Variants in CHRNA5 observed in about 807,000 individuals in gnomAD.
CHRNA5 encodes cholinergic receptor nicotinic alpha 5 subunit, also known as neuronal acetylcholine receptor subunit alpha-5.
CHRNA5 carries 28 observed loss-of-function variants against 41.2 expected under a neutral mutation model. The observed-to-expected ratio is 0.68, with a 90% CI of 0.50 to 0.93. The LOEUF (loss-of-function observed/expected upper bound fraction) is 0.93. CHRNA5 is among the 40% of genes least tolerant of loss of function. The probability of loss-of-function intolerance (pLI) is 0.00; values close to 1 mark genes in which losing one functional copy is unlikely to be tolerated. For synonymous variants in CHRNA5, 188 were observed against 205.8 expected (o/e 0.91, Z 0.74); for missense variants, 481 against 581.9 (o/e 0.83, Z 1.78).
chr15:78,591,772 G>A (rs377153779), intron 5 of CHRNA5, among the ~76,000 whole-genome samples: 45 of 152,258 alleles, frequency 3.0e-4, no homozygotes, highest in African/African-American at 1.1e-3. Flanking sequence ...CTTTCATGCT[G>A]ATTTCTGAGA....
At chr15:78,583,259 T>A (rs2052929386) in intron 2 of CHRNA5, among the ~76,000 whole-genome samples, 1 of 152,138 alleles carries the variant, frequency 6.6e-6, no homozygotes, top group Non-Finnish European at 1.5e-5. Flanking sequence ...TACATGGTTT[T>A]GAGGAGTGAA....
intron 1 of CHRNA5, among the ~76,000 whole-genome samples, chr15:78,569,889 T>C (rs111823232): frequency 0.039 from 5,991 of 151,784 alleles, 359 homozygotes; most frequent in African/African-American, 0.12. Flanking sequence ...GGCATGATCT[T>C]GTCTCACTGC....
chr15:78,585,519 CAT>C (rs2052951075), intron 2 of CHRNA5, among the ~76,000 whole-genome samples: 1 of 152,158 alleles, frequency 6.6e-6, no homozygotes, highest in African/African-American at 2.4e-5. Flanking sequence ...GTGTCCTACA[CAT>C]AATATATTTG....
At chr15:78,575,459 T>C (rs1326241679) in intron 1 of CHRNA5, among the ~76,000 whole-genome samples, 1 of 152,216 alleles carries the variant, frequency 6.6e-6, no homozygotes, top group Non-Finnish European at 1.5e-5. Flanking sequence ...GTGGTTTATA[T>C]GCTATTAGCA....
intron 5 of CHRNA5, among the ~76,000 whole-genome samples, chr15:78,592,331 T>C (rs2053024622): frequency 6.6e-6 from 1 of 151,982 alleles, no homozygotes; most frequent in African/African-American, 2.4e-5. Context: ...CAAAATAAAA[T>C]AAGCAGAGAA....
intron 5 of CHRNA5, 41 bp from the exon 6 acceptor site, chr15:78,593,051 A>C (rs926158488): frequency 6.3e-7 from 1 of 1,588,922 alleles, no homozygotes; most frequent in Non-Finnish European, 8.5e-7. Flanking sequence ...TATGTACACA[A>C]TTTACAATTA....
chr15:78,580,689 T>G (rs888819629), intron 1 of CHRNA5, 122 bp from the exon 2 acceptor site: 2 of 645,502 alleles, frequency 3.1e-6, no homozygotes. Flanking sequence ...CAGGTTGGAG[T>G]GCAGTGGCCC....
intron 2 of CHRNA5, among the ~76,000 whole-genome samples, chr15:78,586,240 A>G (rs117598494): frequency 3.2e-4 from 48 of 152,284 alleles, no homozygotes; most frequent in East Asian, 3.1e-3. Context: ...CCGCATTTTA[A>G]TACTTCTGAA....
At chr15:78,591,027 G>A (rs1286316452) in intron 5 of CHRNA5, 1 of 188,342 alleles carries the variant, frequency 5.3e-6, no homozygotes, top group African/African-American at 2.4e-5. Context: ...TTTCTAAATT[G>A]TGATAATCTG....
At chr15:78,579,095 A>G (rs1012191163) in intron 1 of CHRNA5, among the ~76,000 whole-genome samples, 3 of 151,408 alleles carry the variant, frequency 2.0e-5, no homozygotes, top group African/African-American at 7.3e-5. Context: ...TGAAGAAACA[A>G]GTTTCTTTTT....
chr15:78,566,880 G>C (rs760803813), intron 1 of CHRNA5, among the ~76,000 whole-genome samples: 1 of 152,188 alleles, frequency 6.6e-6, no homozygotes, highest in Admixed American at 6.5e-5. Context: ...TGTGATTTTG[G>C]AGCCAGGCAA....
chr15:78,573,877 A>G (rs888989923), intron 1 of CHRNA5, among the ~76,000 whole-genome samples: 35 of 143,582 alleles, frequency 2.4e-4, no homozygotes, highest in Admixed American at 1.8e-3. Flanking sequence ...TGCAACCTCC[A>G]CCTCCCAGGT....
intron 1 of CHRNA5, among the ~76,000 whole-genome samples, chr15:78,579,938 G>T (rs1366851631): frequency 6.6e-6 from 1 of 152,074 alleles, no homozygotes; most frequent in Admixed American, 6.6e-5. Context: ...TAGTAGCAAA[G>T]TATGTCAAAG....
At chr15:78,592,243 A>C (rs564396709) in intron 5 of CHRNA5, among the ~76,000 whole-genome samples, 1 of 152,164 alleles carries the variant, frequency 6.6e-6, no homozygotes, top group African/African-American at 2.4e-5. Context: ...AATCACTTAA[A>C]CTTGGGAGGC....
At chr15:78,566,450 G>A (rs1203486177) in intron 1 of CHRNA5, among the ~76,000 whole-genome samples, 1 of 152,188 alleles carries the variant, frequency 6.6e-6, no homozygotes, top group Non-Finnish European at 1.5e-5. Flanking sequence ...TTTTGGACAG[G>A]AATGGAAACA....
At chr15:78,589,089 T>C (rs1567061872) in intron 4 of CHRNA5, 1 of 152,238 alleles carries the variant, frequency 6.6e-6, no homozygotes, top group Admixed American at 6.5e-5. Context: ...TCCATGCTTC[T>C]TAAGAAGTGA....
At chr15:78,573,678 A>G (rs977207779) in intron 1 of CHRNA5, among the ~76,000 whole-genome samples, 6 of 152,186 alleles carry the variant, frequency 3.9e-5, no homozygotes, top group African/African-American at 1.4e-4. Flanking sequence ...TAATATCCAC[A>G]TTTAGTTGCT....
intron 1 of CHRNA5, among the ~76,000 whole-genome samples, chr15:78,566,720 C>T (rs2052751150): frequency 6.6e-6 from 1 of 152,184 alleles, no homozygotes; most frequent in Admixed American, 6.5e-5. Context: ...GGTTTTTAAT[C>T]TATGGCTCCT....
intron 2 of CHRNA5, among the ~76,000 whole-genome samples, chr15:78,585,688 C>T (rs900552298): frequency 1.3e-5 from 2 of 152,072 alleles, no homozygotes; most frequent in African/African-American, 4.8e-5. Flanking sequence ...TGAGAAGTAC[C>T]AAGGACCTCC....
Sources: allele counts gnomAD v4.1 joint callset (sites outside exome capture counted in the v4.1 genomes callset), GRCh38; gene constraint gnomAD v4.1.1; transcripts MANE v1.5; gene names NCBI Gene and HGNC (gene_info 2026-07-23, HGNC 2026-07-21).